NEK1: variants seen among roughly 807,000 people sequenced by gnomAD.
The protein encoded by NEK1 is NIMA related kinase 1.
Under a neutral mutation model 182.1 loss-of-function variants are expected in NEK1, and 137 were observed. The observed-to-expected ratio is 0.75, with a 90% CI of 0.65 to 0.87. The LOEUF (loss-of-function observed/expected upper bound fraction) is 0.87. NEK1 is among the 40% of genes least tolerant of loss of function. The pLI is 0.00. For missense variants in NEK1, 1,391 were observed against 1,494.4 expected, an observed-to-expected ratio of 0.93 and a Z score of 1.14; for synonymous variants, 513 against 492.2, an observed-to-expected ratio of 1.04 and a Z score of -0.56.
At chr4:169,609,814 G>C (rs1274445572) in intron 2 of NEK1, among the ~76,000 whole-genome samples, 1 of 152,096 alleles carries the variant, frequency 6.6e-6, no homozygotes, top group Non-Finnish European at 1.5e-5. Context: ...ATATCTGATA[G>C]AAATAGTAAG....
At position 169,453,239 on chromosome 4, in the gene NEK1, A is replaced by G. The variant is rs186677759; in HGVS notation, c.2587+10004T>C. 4.9e-3 allele frequency among the ~76,000 whole-genome samples: 748 copies of G among 152,366 alleles called. 5 individuals carry two copies. The highest frequency in any genetic ancestry group is 0.017 in the African/African-American group (724 of 41,582). ...TATCGTGAAAATGGACACACTGCCCAAAGTAATTTATAGATTCAATGCCAT... is the reference window on the plus strand; with the variant it reads ...TATCGTGAAAATGGACACACTGCCCGAAGTAATTTATAGATTCAATGCCAT... On this transcript the variant is annotated intron_variant, in intron 27 of 35. Transcript: ENST00000507142.
At chr4:169,596,002 T>C (rs1486100488) in intron 5 of NEK1, among the ~76,000 whole-genome samples, 1 of 151,222 alleles carries the variant, frequency 6.6e-6, no homozygotes, top group Non-Finnish European at 1.5e-5. Context: ...TCCTGTTATC[T>C]AACTTACAGG....
chr4:169,532,071 T>C (rs1226282264), intron 19 of NEK1, among the ~76,000 whole-genome samples: 1 of 152,114 alleles, frequency 6.6e-6, no homozygotes, highest in African/African-American at 2.4e-5. Flanking sequence ...AATAGATCAG[T>C]GGTTGCCTAC....
intron 31 of NEK1, among the ~76,000 whole-genome samples, chr4:169,415,656 G>A (rs1183398121): frequency 6.6e-6 from 1 of 152,098 alleles, no homozygotes; most frequent in Non-Finnish European, 1.5e-5. Context: ...AAAAGGAAGG[G>A]CAGTCTTCTG....
chr4:169,592,098 T>C (rs918947860), intron 5 of NEK1, among the ~76,000 whole-genome samples: 3 of 152,156 alleles, frequency 2.0e-5, no homozygotes, highest in African/African-American at 7.2e-5. Flanking sequence ...ACATACTGTA[T>C]GTCAGAATGT....
intron 12 of NEK1, among the ~76,000 whole-genome samples, chr4:169,565,494 T>C (rs1435388543): frequency 6.6e-6 from 1 of 152,188 alleles, no homozygotes; most frequent in Non-Finnish European, 1.5e-5. Context: ...CATAGTATCA[T>C]TACAAAAACA....
At chr4:169,533,786 A>G (rs1758032493) in intron 19 of NEK1, among the ~76,000 whole-genome samples, 1 of 152,234 alleles carries the variant, frequency 6.6e-6, no homozygotes, top group South Asian at 2.1e-4. Context: ...CTAATATATC[A>G]GTCTAATAGG....
Position 169,588,432 on chromosome 4 carries a change from A to G in NEK1, c.551+217T>C, listed in dbSNP as rs148867988. The stretch of plus-strand genomic sequence containing the variant: ...AAAGCACTCTACTTTCAATTATAAC[A>G]TAAATAATAAGGTGATTCTTTCTGC... On this transcript the variant is annotated intron_variant, in intron 8 of 35. Coordinates refer to ENST00000507142, the MANE Select transcript of NEK1 (RefSeq NM_001199397.3). 8.0e-3 allele frequency among the ~76,000 whole-genome samples: 1,212 copies of G among 152,284 alleles called. 33 individuals are homozygous for G. The highest frequency in any genetic ancestry group is 0.04 in the Admixed American group (606 of 15,294).
chr4:169,562,001 T>TAAA, intron 13 of NEK1, 110 bp from the exon 14 acceptor site: 1 of 929,398 alleles, frequency 1.1e-6, no homozygotes, highest in Non-Finnish European at 1.5e-6. Flanking sequence ...GGTTTTTTTT[T>TAAA]TAAAAAAAAA....
intron 19 of NEK1, among the ~76,000 whole-genome samples, chr4:169,532,337 T>C (rs1371512080): frequency 6.6e-6 from 1 of 152,182 alleles, no homozygotes. Flanking sequence ...AAACAGCACT[T>C]AAAAGTAGCT....
chr4:169,590,774 C>T lies in NEK1; in HGVS notation c.348G>A (p.Leu116=). ...GAATTTTTCTATCATGTACATGTTTCAGGGCCAAACATATCTGTACAAACC... is the reference window on the plus strand; with the variant it reads ...GAATTTTTCTATCATGTACATGTTTTAGGGCCAAACATATCTGTACAAACC... ...LDWFVQICLA[L]KHVHDRKILH... Residue 116 remains leucine, a synonymous_variant, in exon 6 of 36, where the codon CTG becomes CTA. Transcript: ENST00000507142. The T allele has an allele frequency of 6.3e-7, 1 of 1,599,238 alleles. No homozygotes were observed. The highest frequency in any genetic ancestry group is 8.5e-7 in the Non-Finnish European group (1 of 1,172,184).
At chr4:169,491,877 G>A (rs986956392) in intron 23 of NEK1, among the ~76,000 whole-genome samples, 23 of 152,164 alleles carry the variant, frequency 1.5e-4, no homozygotes, top group Admixed American at 1.1e-3. Flanking sequence ...TGTGAGGAGG[G>A]TAAAAGTCTA....
At chr4:169,478,306 T>C (rs1747348489) in intron 24 of NEK1, 1 of 152,076 alleles carries the variant, frequency 6.6e-6, no homozygotes, top group Non-Finnish European at 1.5e-5. Flanking sequence ...AATTTGGTGG[T>C]CAGTTTCAAA....
intron 27 of NEK1, among the ~76,000 whole-genome samples, chr4:169,442,315 A>G (rs1739619174): frequency 6.6e-6 from 1 of 152,180 alleles, no homozygotes; most frequent in Non-Finnish European, 1.5e-5. Flanking sequence ...GACACACAGG[A>G]ATTCACAGAT....
intron 2 of NEK1, among the ~76,000 whole-genome samples, chr4:169,611,377 T>G (rs926843541): frequency 6.6e-6 from 1 of 152,198 alleles, no homozygotes; most frequent in Non-Finnish European, 1.5e-5. Context: ...AAATGTAAAC[T>G]AGAAACAAGG....
chr4:169,567,392 A>G (rs1763879992), intron 12 of NEK1, among the ~76,000 whole-genome samples: 1 of 148,196 alleles, frequency 6.7e-6, no homozygotes, highest in African/African-American at 2.6e-5. Flanking sequence ...CTTAGTTTTA[A>G]GTGAAAAAAA....
intron 35 of NEK1, among the ~76,000 whole-genome samples, chr4:169,397,210 CA>C (rs1407462318): frequency 4.0e-5 from 6 of 148,644 alleles, no homozygotes; most frequent in Non-Finnish European, 8.9e-5. Flanking sequence ...GGTGACAGAG[CA>C]AGGCCCTGTC....
At chr4:169,549,419 G>A (rs1423398944) in intron 18 of NEK1, among the ~76,000 whole-genome samples, 1 of 152,094 alleles carries the variant, frequency 6.6e-6, no homozygotes, top group African/African-American at 2.4e-5. Context: ...CTTGCCAGCT[G>A]CCCATCTTTT....
At chr4:169,450,361 C>A (rs1427486410) in intron 27 of NEK1, among the ~76,000 whole-genome samples, 1 of 152,034 alleles carries the variant, frequency 6.6e-6, no homozygotes, top group Non-Finnish European at 1.5e-5. Context: ...AAGAGCAACC[C>A]CAAGACACAT....
Sources: allele counts gnomAD v4.1 joint callset (sites outside exome capture counted in the v4.1 genomes callset), GRCh38; gene constraint gnomAD v4.1.1; transcripts MANE v1.5; gene names NCBI Gene and HGNC (gene_info 2026-07-23, HGNC 2026-07-21).